GLI2: variants seen among roughly 807,000 people sequenced by gnomAD.
GLI2 encodes transcription activator GLI2.
Under a neutral mutation model 78.9 loss-of-function variants are expected in GLI2, and 22 were observed. That is an observed-to-expected ratio of 0.28 (90% CI 0.20 to 0.40). The LOEUF (loss-of-function observed/expected upper bound fraction) is 0.40. Ranked by LOEUF, GLI2 falls within the 10% of genes least tolerant of loss-of-function variation. The pLI, the probability that GLI2 is intolerant of heterozygous loss-of-function variation, is 1.00. For synonymous variants in GLI2, 974 were observed against 963.7 expected, an observed-to-expected ratio of 1.01 and a Z score of -0.20; for missense variants, 2,097 against 2,213.2, an observed-to-expected ratio of 0.95 and a Z score of 1.05.
chr2:120,933,055 T>C (rs1015962787), intron 3 of GLI2, among the ~76,000 whole-genome samples: 2 of 151,916 alleles, frequency 1.3e-5, no homozygotes, highest in Non-Finnish European at 2.9e-5. Context: ...GCGGGAACTG[T>C]GGTGAGAGGA....
At chr2:120,759,012 C>T (rs980623496) in intron 1 of GLI2, among the ~76,000 whole-genome samples, 1 of 152,144 alleles carries the variant, frequency 6.6e-6, no homozygotes, top group Non-Finnish European at 1.5e-5. Context: ...CTTCCCTGCA[C>T]CCTCCCCCAC....
intron 2 of GLI2, among the ~76,000 whole-genome samples, chr2:120,805,195 C>T (rs1333467672): frequency 6.6e-6 from 1 of 152,244 alleles, no homozygotes; most frequent in African/African-American, 2.4e-5. Flanking sequence ...TTTCCCCAAG[C>T]ACAACAGGTT....
intron 2 of GLI2, among the ~76,000 whole-genome samples, chr2:120,898,160 G>A (rs1678069997): frequency 7.6e-6 from 1 of 132,058 alleles, no homozygotes; most frequent in East Asian, 2.2e-4. Flanking sequence ...ATGGCATAAG[G>A]CACTGATATA....
chr2:120,840,029 A>G (rs1394256862), intron 2 of GLI2, among the ~76,000 whole-genome samples: 1 of 152,080 alleles, frequency 6.6e-6, no homozygotes, highest in Non-Finnish European at 1.5e-5. Flanking sequence ...CAATTCCTTG[A>G]ATTGGGCACC....
chr2:120,888,654 G>A (rs1392291145), intron 2 of GLI2, among the ~76,000 whole-genome samples: 1 of 152,140 alleles, frequency 6.6e-6, no homozygotes, highest in Non-Finnish European at 1.5e-5. Context: ...ATTGCAACCA[G>A]TCTTCAGAGC....
intron 3 of GLI2, among the ~76,000 whole-genome samples, chr2:120,944,735 A>C: frequency 6.6e-6 from 1 of 152,254 alleles, no homozygotes; most frequent in Non-Finnish European, 1.5e-5. Flanking sequence ...CAGCTCTGCA[A>C]CCGTGGGCAA....
At chr2:120,811,019 C>G (rs1412699304) in intron 2 of GLI2, among the ~76,000 whole-genome samples, 1 of 152,206 alleles carries the variant, frequency 6.6e-6, no homozygotes. Context: ...GGCCTGGGTC[C>G]CATGCACCCT....
chr2:120,986,754 G>A, intron 13 of GLI2, 140 bp downstream of exon 13: 1 of 674,410 alleles, frequency 1.5e-6, no homozygotes, highest in East Asian at 2.7e-5. Context: ...AAAGGAAACT[G>A]AGGCTCAGAG....
At position 120,989,718 on chromosome 2, in the gene GLI2, A is replaced by G. The variant is rs745451176; in HGVS notation, c.3753A>G (p.Gln1251=). The change falls in exon 14 of 14, where the codon CAA becomes CAG. Residue 1251 remains glutamine, a synonymous_variant. Transcript: ENST00000361492. ...TISGALNQFP[Q]SCSNMPAKPG... is the part of the protein sequence containing the mutation. Reference sequence around the variant, plus strand: ...GTGGGGCCCTCAACCAGTTCCCCCAATCCTGCAGCAACATGCCAGCCAAGC... The same window carrying G: ...GTGGGGCCCTCAACCAGTTCCCCCAGTCCTGCAGCAACATGCCAGCCAAGC... 1.9e-6 allele frequency: 3 copies of G among 1,612,900 alleles called. No individual in the cohort carries two copies. In the African/African-American group the frequency reaches 4.0e-5, roughly 22 times the overall value.
In GLI2 at chr2:120,988,601, C is replaced by A; in HGVS notation, c.2636C>A (p.Ala879Asp). Residue 879 changes from alanine (A) to aspartate (D), a missense_variant, in exon 14 of 14, where the codon GCC becomes GAC. Physicochemically the swap from Ala to Asp is moderately radical, Grantham distance 126. Around this residue, in one of 5 missense-constraint regions of GLI2, gnomAD observed 1,290 missense variants for 1,261.7 expected, o/e 1.02. Transcript: ENST00000361492. ...QYSLRAKYAAATGGPPPTPLP... is the reference protein window; with the variant it reads ...QYSLRAKYAADTGGPPPTPLP... ...AGCCTGCGGGCCAAGTACGCGGCAG[C>A]CACTGGCGGCCCCCCGCCCACTCCG... 1 of 1,481,288 alleles carries A rather than the reference C, an allele frequency of 6.8e-7. No homozygotes were observed. The highest frequency in any genetic ancestry group is 2.9e-5 in the East Asian group (1 of 34,242). 91.8% of individuals were successfully genotyped at this position (1,481,288 alleles called of 1,614,324 possible).
intron 3 of GLI2, among the ~76,000 whole-genome samples, chr2:120,929,288 T>C (rs1426170360): frequency 6.6e-6 from 1 of 152,232 alleles, no homozygotes; most frequent in Non-Finnish European, 1.5e-5. Context: ...TCTGCTGGCT[T>C]CTCCGCTTTA....
chr2:120,838,772 T>A (rs1453485357), intron 2 of GLI2, among the ~76,000 whole-genome samples: 1 of 152,244 alleles, frequency 6.6e-6, no homozygotes, highest in Non-Finnish European at 1.5e-5. Context: ...TGTTTAGATA[T>A]ACAAATCCTT....
chr2:120,867,799 G>A (rs532071613), intron 2 of GLI2, among the ~76,000 whole-genome samples: 2 of 152,332 alleles, frequency 1.3e-5, no homozygotes, highest in East Asian at 3.9e-4. Context: ...TCAGGCGGGG[G>A]GAGCTGGAGG....
At chr2:120,840,551 G>A (rs1028736633) in intron 2 of GLI2, among the ~76,000 whole-genome samples, 1 of 152,224 alleles carries the variant, frequency 6.6e-6, no homozygotes, top group East Asian at 1.9e-4. Flanking sequence ...TAGCACAGAT[G>A]TGAGATCAAT....
chr2:120,775,550 C>G (rs1683652406), intron 1 of GLI2, among the ~76,000 whole-genome samples: 2 of 152,162 alleles, frequency 1.3e-5, no homozygotes, highest in South Asian at 4.1e-4. Context: ...AGGCATTTTG[C>G]TCCCCCATGC....
chr2:120,751,898 T>G (rs1682883779), intron 1 of GLI2, among the ~76,000 whole-genome samples: 1 of 152,216 alleles, frequency 6.6e-6, no homozygotes, highest in African/African-American at 2.4e-5. Context: ...TTCATATTTC[T>G]GGGCAAGTGA....
At chr2:120,821,215 G>T (rs1209101496) in intron 2 of GLI2, among the ~76,000 whole-genome samples, 1 of 152,106 alleles carries the variant, frequency 6.6e-6, no homozygotes, top group East Asian at 1.9e-4. Flanking sequence ...TTGCAAAGGT[G>T]CAGATGCGCC....
chr2:120,985,044 CCT>C (rs1248429225), intron 12 of GLI2, among the ~76,000 whole-genome samples: 1 of 152,182 alleles, frequency 6.6e-6, no homozygotes, highest in Admixed American at 6.5e-5. Context: ...TGCAAGTCTG[CCT>C]TTCCAGCCAG....
chr2:120,795,187 A>C (rs1684329781), intron 1 of GLI2, among the ~76,000 whole-genome samples: 1 of 152,136 alleles, frequency 6.6e-6, no homozygotes, highest in African/African-American at 2.4e-5. Flanking sequence ...GTGCCACTGC[A>C]CTCCAGCCTG....
Sources: gnomAD v4.1 joint callset for allele counts (sites outside exome capture counted in the v4.1 genomes callset) on GRCh38, gnomAD v4.1.1 for gene constraint, gnomAD v4.1.1 regional missense constraint, MANE v1.5 for transcripts, NCBI Gene and HGNC (gene_info 2026-07-23, HGNC 2026-07-21) for gene names.